INTS4: variants seen among roughly 807,000 people sequenced by gnomAD.
INTS4 encodes the protein MSTP093.
INTS4 carries 70 observed loss-of-function variants against 119.5 expected under a neutral mutation model. The observed-to-expected ratio is 0.59, with a 90% CI of 0.48 to 0.71. The LOEUF is 0.71. Ranked by LOEUF, INTS4 falls within the 30% of genes least tolerant of loss-of-function variation. The pLI is 0.00. For missense variants in INTS4, 867 were observed against 1,173.2 expected, an observed-to-expected ratio of 0.74 and a Z score of 3.81; for synonymous variants, 316 against 419.6, an observed-to-expected ratio of 0.75 and a Z score of 3.02.
At chr11:77,955,536 G>A (rs1011332141) in intron 8 of INTS4, among the ~76,000 whole-genome samples, 3 of 144,710 alleles carry the variant, frequency 2.1e-5, no homozygotes, top group South Asian at 2.2e-4. Flanking sequence ...CCCCCTTGTC[G>A]CCAGGCTGGA....
At chr11:77,990,225 A>G (rs989799041) in intron 2 of INTS4, among the ~76,000 whole-genome samples, 11 of 151,856 alleles carry the variant, frequency 7.2e-5, no homozygotes, top group African/African-American at 2.7e-4. Flanking sequence ...CAAAAAAAAA[A>G]AAAAAAAAAA....
intron 4 of INTS4, among the ~76,000 whole-genome samples, chr11:77,968,750 G>T (rs1169052184): frequency 6.6e-6 from 1 of 152,072 alleles, no homozygotes; most frequent in Non-Finnish European, 1.5e-5. Context: ...CAAGAGAACT[G>T]AAAACATGTA....
chr11:77,927,097 G>C (rs151301308), intron 11 of INTS4, among the ~76,000 whole-genome samples: 37 of 152,136 alleles, frequency 2.4e-4, no homozygotes, highest in African/African-American at 7.7e-4. Flanking sequence ...AAACTGTGGG[G>C]GAAAATTACA....
chr11:77,882,683 A>T (rs1228696905), intron 22 of INTS4, among the ~76,000 whole-genome samples: 3 of 152,178 alleles, frequency 2.0e-5, no homozygotes, highest in South Asian at 2.1e-4. Flanking sequence ...CAACTACACC[A>T]GGCCTACCAC....
chr11:77,953,636 T>C (rs1211867421), intron 8 of INTS4, among the ~76,000 whole-genome samples: 1 of 151,346 alleles, frequency 6.6e-6, no homozygotes, highest in African/African-American at 2.4e-5. Context: ...CAGGCTGGAG[T>C]GCAATGGCAC....
Position 77,883,759 on chromosome 11 carries a change from A to G in INTS4, c.2713+73T>C, listed in dbSNP as rs1464264333. On this transcript the variant is annotated intron_variant, in intron 22 of 22. Coordinates refer to ENST00000534064, the MANE Select transcript of INTS4 (RefSeq NM_033547.4). ...TCCATGTATTTTTTTCAAACTTTAAAAACCAAACGCTTAAGGGTAGGTGTG... is the reference window on the plus strand; with the variant it reads ...TCCATGTATTTTTTTCAAACTTTAAGAACCAAACGCTTAAGGGTAGGTGTG... The G allele has an allele frequency of 6.6e-6, 10 of 1,519,564 alleles. No homozygotes were observed. In the African/African-American group the frequency reaches 1.2e-4, roughly 19 times the overall value. The allele number at this position is 1,519,564 out of a possible 1,614,324, so 94.1% of individuals were successfully genotyped here.
chr11:77,988,020 TAACCCAGTCTC>T (rs1856522870), intron 2 of INTS4, among the ~76,000 whole-genome samples: 1 of 115,748 alleles, frequency 8.6e-6, no homozygotes, highest in Non-Finnish European at 2.2e-5. Context: ...GCCAGTCTCA[TAACCCAGTCTC>T]TAGATAGATA....
chr11:77,960,908 C>A, intron 5 of INTS4, 45 bp downstream of exon 5: 1 of 1,546,114 alleles, frequency 6.5e-7, no homozygotes, highest in Admixed American at 2.0e-5. Flanking sequence ...ACTTAAAAAA[C>A]AAAAATGAAC....
intron 15 of INTS4, among the ~76,000 whole-genome samples, chr11:77,912,466 A>C (rs185348953): frequency 0.024 from 3,598 of 152,268 alleles, 134 homozygotes; most frequent in African/African-American, 0.081. Flanking sequence ...AGCAATCTAT[A>C]TGATGCCACT....
At chr11:77,879,646 T>G (rs1281704616) in intron 22 of INTS4, among the ~76,000 whole-genome samples, 8 of 152,226 alleles carry the variant, frequency 5.3e-5, no homozygotes, top group Non-Finnish European at 1.2e-4. Context: ...CTAAAATGTC[T>G]GAAAACATCT....
intron 4 of INTS4, among the ~76,000 whole-genome samples, chr11:77,964,595 A>T (rs1326044293): frequency 1.3e-5 from 2 of 151,528 alleles, no homozygotes; most frequent in Admixed American, 1.3e-4. Flanking sequence ...TAAAAATAAA[A>T]AATAAATAAA....
chr11:77,945,915 C>T (rs1239484722), intron 8 of INTS4, among the ~76,000 whole-genome samples: 4 of 152,334 alleles, frequency 2.6e-5, no homozygotes, highest in Non-Finnish European at 5.9e-5. Context: ...TGCCCAGCCC[C>T]ACTGCACAAA....
intron 7 of INTS4, among the ~76,000 whole-genome samples, chr11:77,956,464 T>G (rs574046148): frequency 6.6e-6 from 1 of 152,214 alleles, no homozygotes; most frequent in African/African-American, 2.4e-5. Context: ...GCCAGCACTT[T>G]GGGAGGCTGA....
chr11:77,958,775 G>T lies in INTS4; in HGVS notation c.768C>A (p.Ile256=). ...CAGGATAGAGCTGACTGACGACCCA[G>T]ATAAGCTGGACTGCAGCACTGCGCA... ...EQVRSAAVQL[I]WVVSQLYPES... is the part of the protein sequence containing the mutation. Residue 256 remains isoleucine, a synonymous_variant, in exon 7 of 23, where the codon ATC becomes ATA. Coordinates refer to ENST00000534064, the MANE Select transcript of INTS4 (RefSeq NM_033547.4). 1.2e-6 allele frequency: 2 copies of T among 1,610,960 alleles called. No homozygotes were observed. Among genetic ancestry groups the T allele is most frequent in the Non-Finnish European group, 1.7e-6 (2 of 1,179,018 alleles).
At chr11:77,955,796 T>TA (rs1565270439) in intron 8 of INTS4, 146 bp downstream of exon 8, 1 of 690,316 alleles carries the variant, frequency 1.4e-6, no homozygotes, top group Non-Finnish European at 2.5e-6. Flanking sequence ...ACCCAGCCTA[T>TA]AATCCCAGTC....
chr11:77,914,299 A>C (rs1953156537), intron 15 of INTS4, among the ~76,000 whole-genome samples: 1 of 152,214 alleles, frequency 6.6e-6, no homozygotes, highest in Non-Finnish European at 1.5e-5. Flanking sequence ...AAGAGCCAGC[A>C]CTGCAGCTGA....
chr11:77,884,787 C>T lies in INTS4; in HGVS notation c.2593-835G>A, dbSNP rs137887380. ...TTTTTTTCTTTAAAACAGGGTCTTA[C>T]TCTGCCACCCAGGCTGGAGTGCAGT... On this transcript the variant is annotated intron_variant, in intron 21 of 22. Coordinates refer to ENST00000534064, the MANE Select transcript of INTS4 (RefSeq NM_033547.4). The T allele has an allele frequency of 3.8e-4, 156 of 407,164 alleles. 1 individual carries two copies. Among genetic ancestry groups the T allele is most frequent in the African/African-American group, 2.8e-3 (140 of 49,286 alleles). The allele number at this position is 407,164 out of a possible 1,614,324, so 25.2% of individuals were successfully genotyped here.
chr11:77,981,544 T>C lies in INTS4; in HGVS notation c.279A>G (p.Ala93=). 3 of 1,587,008 alleles carry C rather than the reference T, an allele frequency of 1.9e-6. No individual in the cohort carries two copies. The highest frequency in any genetic ancestry group is 2.3e-5 in the East Asian group (1 of 43,804). ...ENDPSVRLKI[A]SLLGLLSKTA... The stretch of plus-strand genomic sequence containing the variant: ...TCTTTGATAATAAACCCAACAATGA[T>C]GCAATTTTCAGTCTCACAGATGGAT... Residue 93 remains alanine, a synonymous_variant, in exon 3 of 23, where the codon GCA becomes GCG. Transcript: ENST00000534064.
At chr11:77,910,083 C>G (rs914785074) in intron 15 of INTS4, among the ~76,000 whole-genome samples, 4 of 152,010 alleles carry the variant, frequency 2.6e-5, no homozygotes, top group African/African-American at 9.7e-5. Context: ...CCCAGCCATC[C>G]CATTACTGGG....
Sources: gnomAD v4.1 joint callset for allele counts (sites outside exome capture counted in the v4.1 genomes callset) on GRCh38, gnomAD v4.1.1 for gene constraint, MANE v1.5 for transcripts, NCBI Gene and HGNC (gene_info 2026-07-23, HGNC 2026-07-21) for gene names.